Variants in UCK2 observed in about 807,000 individuals in gnomAD.
UCK2 encodes the protein uridine-cytidine kinase 2.
A neutral mutation model predicts 30.8 loss-of-function variants in UCK2; 6 were observed. The ratio of observed to expected loss-of-function variants is 0.19; its 90% confidence interval spans 0.11 to 0.38. The LOEUF (loss-of-function observed/expected upper bound fraction) is 0.38, where lower values mean the gene tolerates loss of function less well. Among genes scored for constraint, UCK2 ranks in the 10% least tolerant of loss-of-function variants. The pLI is 1.00. For missense variants in UCK2, 210 were observed against 339.8 expected, an observed-to-expected ratio of 0.62 and a Z score of 3.00; for synonymous variants, 125 against 133.6, an observed-to-expected ratio of 0.94 and a Z score of 0.45.
intron 1 of UCK2, among the ~76,000 whole-genome samples, chr1:165,869,658 C>CTTTTT (rs1557840808): frequency 1.5e-5 from 1 of 66,766 alleles, no homozygotes; most frequent in African/African-American, 5.0e-5. Flanking sequence ...TCATCATGGG[C>CTTTTT]CTTTTTTTTT....
At chr1:165,898,168 G>A (rs1459603107) in intron 4 of UCK2, among the ~76,000 whole-genome samples, 3 of 152,222 alleles carry the variant, frequency 2.0e-5, no homozygotes, top group African/African-American at 7.2e-5. Context: ...TAGAGAGGCA[G>A]TGTGATACAC....
At chr1:165,840,556 T>C (rs1487790814) in intron 1 of UCK2, among the ~76,000 whole-genome samples, 1 of 152,244 alleles carries the variant, frequency 6.6e-6, no homozygotes, top group Non-Finnish European at 1.5e-5. Flanking sequence ...CATCTGTGCC[T>C]GACAGGGTCC....
chr1:165,829,641 T>C (rs977878312), intron 1 of UCK2, among the ~76,000 whole-genome samples: 1 of 152,230 alleles, frequency 6.6e-6, no homozygotes, highest in African/African-American at 2.4e-5. Flanking sequence ...AACTCTGTTA[T>C]TGTTCTTCTT....
chr1:165,862,792 C>T (rs1258734662), intron 1 of UCK2, among the ~76,000 whole-genome samples: 4 of 152,058 alleles, frequency 2.6e-5, no homozygotes, highest in East Asian at 1.9e-4. Context: ...AAAAAGTTCC[C>T]GACACAGAGA....
chr1:165,869,580 A>G (rs1242107790), intron 1 of UCK2, among the ~76,000 whole-genome samples: 1 of 151,546 alleles, frequency 6.6e-6, no homozygotes, highest in Admixed American at 6.6e-5. Flanking sequence ...CATGCTTGCT[A>G]ACATTTGTTC....
chr1:165,872,138 A>G (rs1423354138), intron 1 of UCK2, among the ~76,000 whole-genome samples: 2 of 152,006 alleles, frequency 1.3e-5, no homozygotes, highest in Non-Finnish European at 2.9e-5. Flanking sequence ...ACAGTGGTGC[A>G]ATCTCAGCTC....
At chr1:165,848,890 G>A (rs962371293) in intron 1 of UCK2, among the ~76,000 whole-genome samples, 2 of 152,140 alleles carry the variant, frequency 1.3e-5, no homozygotes, top group African/African-American at 4.8e-5. Flanking sequence ...GCACTCAGAT[G>A]GGACAACCTA....
chr1:165,850,232 GC>G (rs1354317671), intron 1 of UCK2, among the ~76,000 whole-genome samples: 2 of 151,580 alleles, frequency 1.3e-5, no homozygotes, highest in African/African-American at 4.9e-5. Context: ...CTGGGTTCAA[GC>G]GATTCTCCTG....
At chr1:165,848,490 G>A (rs1291468150) in intron 1 of UCK2, among the ~76,000 whole-genome samples, 2 of 152,068 alleles carry the variant, frequency 1.3e-5, no homozygotes, top group African/African-American at 4.8e-5. Context: ...AAATTAGCCG[G>A]GTATATTGGC....
rs185830131 is a variant in UCK2, at chr1:165,859,964, A to G, written c.100-30240A>G. Among the ~76,000 whole-genome samples the G allele has an allele frequency of 1.6e-3, 242 of 151,914 alleles. 1 individual carries two copies. Among genetic ancestry groups the G allele is most frequent in the African/African-American group, 5.4e-3 (222 of 41,430 alleles). On this transcript the variant is annotated intron_variant, in intron 1 of 6. Coordinates refer to ENST00000367879, the MANE Select transcript of UCK2 (RefSeq NM_012474.5). ...CCGTTCCACTGCAATAACCCTCCCCACTAGTCTCCTTGTGCGGGACCAGTC... is the reference window on the plus strand; with the variant it reads ...CCGTTCCACTGCAATAACCCTCCCCGCTAGTCTCCTTGTGCGGGACCAGTC...
chr1:165,911,088 GA>G lies in UCK2; in HGVS notation c.*3268del, dbSNP rs1235723317. The G allele has an allele frequency of 6.6e-6, 1 of 152,264 alleles. No individual in the cohort carries two copies. The highest frequency in any genetic ancestry group is 2.4e-5 in the African/African-American group (1 of 41,432). The allele number at this position is 152,264 out of a possible 1,614,324, so 9.4% of individuals were successfully genotyped here. A position where few individuals can be genotyped will look rare whatever the true frequency, so the allele number is the denominator to read the frequency against. On this transcript the variant is annotated 3_prime_UTR_variant, in exon 7 of 7. Coordinates refer to ENST00000367879, the MANE Select transcript of UCK2 (RefSeq NM_012474.5). Reference sequence around the variant, plus strand: ...TTGGAGGGAAGTAGCCTCTTGCAGGGAAATATTTTCCCCTGCCCTGGAATCT... The same window carrying G: ...TTGGAGGGAAGTAGCCTCTTGCAGGGAATATTTTCCCCTGCCCTGGAATCT...
At chr1:165,898,926 G>T (rs1185632708) in intron 4 of UCK2, among the ~76,000 whole-genome samples, 1 of 152,174 alleles carries the variant, frequency 6.6e-6, no homozygotes, top group East Asian at 1.9e-4. Flanking sequence ...TCACTTTCCT[G>T]ATGGATTCAT....
chr1:165,849,461 G>T (rs1018985887), intron 1 of UCK2, among the ~76,000 whole-genome samples: 3 of 152,224 alleles, frequency 2.0e-5, no homozygotes, highest in African/African-American at 7.2e-5. Flanking sequence ...CCTGAAGCAA[G>T]CCTGGTCTAG....
chr1:165,876,668 A>G (rs1043238220), intron 1 of UCK2, among the ~76,000 whole-genome samples: 8 of 152,252 alleles, frequency 5.3e-5, no homozygotes, highest in South Asian at 2.1e-4. Context: ...TTCTATGGCT[A>G]TAGTAACAAA....
chr1:165,827,911 CG>C lies in UCK2; in HGVS notation c.83del (p.Gly28GlufsTer32). ...GCGAGCCCTTCCTTATAGGCGTCAG[CG>C]GGGGAACAGCTAGCGGCAAGGTACG... ...GGEPFLIGVS[G>X]GTASGKSSVC... is the part of the protein sequence containing the mutation. On this transcript the variant is annotated frameshift_variant, in exon 1 of 7. Transcript: ENST00000367879. LOFTEE classifies it high-confidence loss of function. 1 of 1,452,390 alleles carries C rather than the reference CG, an allele frequency of 6.9e-7. No individual in the cohort carries two copies. The allele number at this position is 1,452,390 out of a possible 1,614,324, so 90.0% of individuals were successfully genotyped here.
chr1:165,901,685 A>C (rs997080442), intron 4 of UCK2, among the ~76,000 whole-genome samples: 15 of 152,212 alleles, frequency 9.9e-5, no homozygotes, highest in African/African-American at 3.4e-4. Context: ...GATAGCATTT[A>C]AAATGACATC....
chr1:165,885,451 C>T (rs1397944132), intron 1 of UCK2: 1 of 397,910 alleles, frequency 2.5e-6, no homozygotes, highest in Non-Finnish European at 4.4e-6. Flanking sequence ...TCTTAAAATA[C>T]CTTGTATTGA....
At chr1:165,897,518 C>T (rs986719110) in intron 4 of UCK2, among the ~76,000 whole-genome samples, 8 of 151,950 alleles carry the variant, frequency 5.3e-5, no homozygotes, top group African/African-American at 1.5e-4. Flanking sequence ...TTTGAGTCTC[C>T]GTTGTGTGAC....
intron 1 of UCK2, among the ~76,000 whole-genome samples, chr1:165,836,517 A>C (rs1250996143): frequency 6.6e-6 from 1 of 152,204 alleles, no homozygotes; most frequent in Non-Finnish European, 1.5e-5. Flanking sequence ...GATTTTTTGA[A>C]TCAACTAGCT....
Sources: gnomAD v4.1 joint callset for allele counts (sites outside exome capture counted in the v4.1 genomes callset) on GRCh38, gnomAD v4.1.1 for gene constraint, MANE v1.5 for transcripts, NCBI Gene and HGNC (gene_info 2026-07-23, HGNC 2026-07-21) for gene names.